PEX5L: variants seen among roughly 807,000 people sequenced by gnomAD.
PEX5L encodes PEX5-related protein.
Under a neutral mutation model 84.0 loss-of-function variants are expected in PEX5L, and 30 were observed. That is an observed-to-expected ratio of 0.36 (90% CI 0.27 to 0.48). The LOEUF (loss-of-function observed/expected upper bound fraction) is 0.48, where lower values mean the gene tolerates loss of function less well. Ranked by LOEUF, PEX5L falls within the 20% of genes least tolerant of loss-of-function variation. The pLI, the probability that PEX5L is intolerant of heterozygous loss-of-function variation, is 0.99. For missense variants in PEX5L, 533 were observed against 754.6 expected, an observed-to-expected ratio of 0.71 and a Z score of 3.44; for synonymous variants, 270 against 283.1, an observed-to-expected ratio of 0.95 and a Z score of 0.46.
At chr3:179,818,848 C>CT (rs78348936) in intron 9 of PEX5L, among the ~76,000 whole-genome samples, 247 of 102,974 alleles carry the variant, frequency 2.4e-3, no homozygotes, top group Admixed American at 0.011. Context: ...CTTTTCTTTT[C>CT]TTTTTTTTTT....
At chr3:179,963,567 T>C (rs895622763) in intron 2 of PEX5L, among the ~76,000 whole-genome samples, 3 of 152,164 alleles carry the variant, frequency 2.0e-5, no homozygotes, top group Non-Finnish European at 2.9e-5. Context: ...CTCATGAATA[T>C]AGCAAGTCAT....
At chr3:179,966,203 G>A (rs187944618) in intron 2 of PEX5L, among the ~76,000 whole-genome samples, 5 of 152,248 alleles carry the variant, frequency 3.3e-5, no homozygotes, top group Admixed American at 2.0e-4. Flanking sequence ...TGTGTCCTTC[G>A]AATGTCTCAG....
chr3:179,966,193 T>C (rs1783289141), intron 2 of PEX5L, among the ~76,000 whole-genome samples: 1 of 152,198 alleles, frequency 6.6e-6, no homozygotes, highest in Non-Finnish European at 1.5e-5. Context: ...CATAATGTGC[T>C]GTGTCCTTCG....
intron 8 of PEX5L, among the ~76,000 whole-genome samples, chr3:179,839,664 G>A (rs1429611710): frequency 6.6e-6 from 1 of 152,176 alleles, no homozygotes; most frequent in Non-Finnish European, 1.5e-5. Flanking sequence ...CTTGCACTGA[G>A]TAATTTGTGA....
chr3:179,899,272 T>A (rs1760442531), intron 2 of PEX5L, among the ~76,000 whole-genome samples: 1 of 152,136 alleles, frequency 6.6e-6, no homozygotes, highest in Non-Finnish European at 1.5e-5. Flanking sequence ...TTAAATACTT[T>A]AAAAACAAAA....
chr3:179,858,087 C>T (rs13083814), intron 8 of PEX5L, among the ~76,000 whole-genome samples: 15,558 of 152,042 alleles, frequency 0.1, 922 homozygotes, highest in Non-Finnish European at 0.14. Flanking sequence ...AATTTTATTG[C>T]GCTTCAGGTA....
At chr3:179,811,730 A>G in intron 11 of PEX5L, 71 bp downstream of exon 11, 1 of 1,131,710 alleles carries the variant, frequency 8.8e-7, no homozygotes, top group South Asian at 1.2e-5. Context: ...AGATCAAAAG[A>G]CAAATCTGAA....
At chr3:179,994,773 G>T (rs547817314) in intron 1 of PEX5L, among the ~76,000 whole-genome samples, 1 of 152,040 alleles carries the variant, frequency 6.6e-6, no homozygotes, top group Non-Finnish European at 1.5e-5. Context: ...CTAATCAGCT[G>T]CCAGCGTGAC....
intron 1 of PEX5L, among the ~76,000 whole-genome samples, chr3:180,024,693 A>T (rs1004681269): frequency 2.6e-5 from 4 of 151,774 alleles, no homozygotes; most frequent in African/African-American, 7.3e-5. Context: ...TGTGTGTGAG[A>T]GAGAGAGAGA....
intron 10 of PEX5L, 25 bp downstream of exon 10, chr3:179,815,836 T>C: frequency 6.2e-7 from 1 of 1,613,086 alleles, no homozygotes; most frequent in Non-Finnish European, 8.5e-7. Flanking sequence ...TTTCTGAGTC[T>C]GGCAGAATGA....
intron 7 of PEX5L, among the ~76,000 whole-genome samples, chr3:179,862,730 A>C (rs1016013550): frequency 2.0e-5 from 3 of 152,230 alleles, no homozygotes; most frequent in Non-Finnish European, 4.4e-5. Flanking sequence ...CATGAATTGA[A>C]AGGATTAATA....
At chr3:179,951,526 C>T (rs531118875) in intron 2 of PEX5L, among the ~76,000 whole-genome samples, 2 of 152,204 alleles carry the variant, frequency 1.3e-5, no homozygotes, top group South Asian at 4.1e-4. Flanking sequence ...ACCTTTCTTC[C>T]TGCTTGCTGC....
intron 2 of PEX5L, among the ~76,000 whole-genome samples, chr3:179,955,437 T>C (rs77244380): frequency 7.4e-5 from 1 of 13,502 alleles, no homozygotes. Flanking sequence ...TATGTGACTT[T>C]TTTTTTTTTG....
At chr3:179,940,315 T>C (rs1437349675) in intron 2 of PEX5L, among the ~76,000 whole-genome samples, 1 of 150,364 alleles carries the variant, frequency 6.7e-6, no homozygotes, top group East Asian at 2.0e-4. Flanking sequence ...GAGAGAAAGC[T>C]GGGAAGAGAA....
Position 179,795,737 on chromosome 3 carries a change from C to A in PEX5L, c.*6091G>T, listed in dbSNP as rs1309612050. On this transcript the variant is annotated 3_prime_UTR_variant, in exon 15 of 15. Transcript: ENST00000467460. The stretch of plus-strand genomic sequence containing the variant: ...TTATGAGCATGAGGAGGAAGCATCA[C>A]AGAAGAATTGTCTCAAAACAACATT... 1 of 152,108 alleles carries A rather than the reference C, an allele frequency of 6.6e-6. No individual in the cohort carries two copies. Among genetic ancestry groups the A allele is most frequent in the African/African-American group, 2.4e-5 (1 of 41,416 alleles). 9.4% of individuals were successfully genotyped at this position (152,108 alleles called of 1,614,324 possible). A position where few individuals can be genotyped will look rare whatever the true frequency, so the allele number is the denominator to read the frequency against.
chr3:179,952,052 T>C (rs889158996), intron 2 of PEX5L, among the ~76,000 whole-genome samples: 3 of 152,238 alleles, frequency 2.0e-5, no homozygotes, highest in South Asian at 2.1e-4. Context: ...CTTAAACTCA[T>C]GGTCTTTGAA....
At chr3:179,815,201 C>A (rs79760486) in intron 10 of PEX5L, among the ~76,000 whole-genome samples, 2,282 of 152,324 alleles carry the variant, frequency 0.015, 50 homozygotes, top group Middle Eastern at 0.13. Context: ...ATAAATGTGG[C>A]GTGAGTAAAC....
At chr3:179,921,110 T>C (rs1769226293) in intron 2 of PEX5L, among the ~76,000 whole-genome samples, 1 of 152,098 alleles carries the variant, frequency 6.6e-6, no homozygotes. Flanking sequence ...TTCTAGGAAA[T>C]TGTACCCTAA....
chr3:179,829,847 G>C (rs1732015010), intron 8 of PEX5L, among the ~76,000 whole-genome samples: 1 of 146,242 alleles, frequency 6.8e-6, no homozygotes, highest in African/African-American at 2.5e-5. Flanking sequence ...CGTGATCTTG[G>C]CTCACTGCAA....
Sources: gnomAD v4.1 joint callset for allele counts (sites outside exome capture counted in the v4.1 genomes callset) on GRCh38, gnomAD v4.1.1 for gene constraint, MANE v1.5 for transcripts, NCBI Gene and HGNC (gene_info 2026-07-23, HGNC 2026-07-21) for gene names.